UNC5D: variants seen among roughly 807,000 people sequenced by gnomAD.
UNC5D encodes the protein unc-5 netrin receptor D.
Under a neutral mutation model 105.4 loss-of-function variants are expected in UNC5D, and 39 were observed. That is an observed-to-expected ratio of 0.37 (90% CI 0.29 to 0.48). The LOEUF (loss-of-function observed/expected upper bound fraction) is 0.48, where lower values mean the gene tolerates loss of function less well. Ranked by LOEUF, UNC5D falls within the 20% of genes least tolerant of loss-of-function variation. The pLI is 0.98. For synonymous variants in UNC5D, 452 were observed against 450.4 expected (o/e 1.00, Z -0.04); for missense variants, 991 against 1,202.4 (o/e 0.82, Z 2.60).
chr8:35,380,265 C>T (rs1367254016), intron 1 of UNC5D, among the ~76,000 whole-genome samples: 3 of 151,196 alleles, frequency 2.0e-5, no homozygotes, highest in African/African-American at 7.3e-5. Context: ...CCTCTGGTCT[C>T]TTCACGTAAG....
intron 4 of UNC5D, among the ~76,000 whole-genome samples, chr8:35,596,831 G>A (rs1322192764): frequency 1.3e-5 from 2 of 152,160 alleles, no homozygotes; most frequent in South Asian, 4.1e-4. Context: ...GCAGAGGGGT[G>A]ACTTTGAATT....
intron 1 of UNC5D, among the ~76,000 whole-genome samples, chr8:35,397,743 T>C (rs1490040523): frequency 6.6e-6 from 1 of 152,212 alleles, no homozygotes; most frequent in Non-Finnish European, 1.5e-5. Context: ...GTAGTCTGGG[T>C]TGCTGCAATA....
Position 35,298,963 on chromosome 8 carries a change from T to G in UNC5D, c.103+63076T>G, listed in dbSNP as rs554444453. On this transcript the variant is annotated intron_variant, in intron 1 of 16. Transcript: ENST00000404895. Reference sequence around the variant, plus strand: ...TATTCATTTTTTGTTTATTTCAAAATTGGTACACCTGCAGTACTGGAGCTT... The same window carrying G: ...TATTCATTTTTTGTTTATTTCAAAAGTGGTACACCTGCAGTACTGGAGCTT... Among the ~76,000 whole-genome samples, 29 of 152,332 alleles carry G rather than the reference T, an allele frequency of 1.9e-4. No homozygotes were observed. The South Asian group carries it at 5.4e-3, about 28-fold the overall frequency.
chr8:35,518,481 T>C (rs1362952254), intron 1 of UNC5D, among the ~76,000 whole-genome samples: 2 of 152,176 alleles, frequency 1.3e-5, no homozygotes, highest in Non-Finnish European at 2.9e-5. Flanking sequence ...AATTTACATA[T>C]GTTGGTAAAT....
intron 13 of UNC5D, among the ~76,000 whole-genome samples, chr8:35,757,820 C>T (rs1376474574): frequency 6.6e-6 from 1 of 152,200 alleles, no homozygotes; most frequent in African/African-American, 2.4e-5. Flanking sequence ...TTCCTTGTAG[C>T]CTCCACCAGA....
At chr8:35,696,862 T>G (rs1826817607) in intron 7 of UNC5D, among the ~76,000 whole-genome samples, 1 of 152,140 alleles carries the variant, frequency 6.6e-6, no homozygotes. Flanking sequence ...TTACGTGTGT[T>G]TAGTACAGGA....
chr8:35,298,586 G>GTTTTTT (rs35299004), intron 1 of UNC5D, among the ~76,000 whole-genome samples: 2 of 110,564 alleles, frequency 1.8e-5, no homozygotes, highest in Non-Finnish European at 3.5e-5. Flanking sequence ...ATTGTTGTAG[G>GTTTTTT]TTTTTTTTTT....
intron 1 of UNC5D, among the ~76,000 whole-genome samples, chr8:35,476,939 T>G (rs1034075751): frequency 1.3e-5 from 2 of 152,200 alleles, no homozygotes; most frequent in Non-Finnish European, 2.9e-5. Context: ...CCAGCCTTCT[T>G]TGCTCCTAGA....
In UNC5D at chr8:35,248,871, AAAATATATAATATATTATAT is replaced by A. The variant is rs1284712396; in HGVS notation, c.103+13006_103+13025del. On this transcript the variant is annotated intron_variant, in intron 1 of 16. Coordinates refer to ENST00000404895, the MANE Select transcript of UNC5D (RefSeq NM_080872.4). Reference sequence around the variant, plus strand: ...TTATATATAATTCTATAATAATATAAAAATATATAATATATTATATAAATATATAATATATTATATATAAA... The same window carrying A: ...TTATATATAATTCTATAATAATATAAAAATATATAATATATTATATATAAA... Among the ~76,000 whole-genome samples the A allele has an allele frequency of 2.6e-3, 245 of 95,372 alleles. 2 individuals carry two copies. Among genetic ancestry groups the A allele is most frequent in the African/African-American group, 0.01 (243 of 23,208 alleles). 62.6% of individuals were successfully genotyped at this position (95,372 alleles called of 152,430 possible).
chr8:35,753,904 G>T (rs980339684), intron 13 of UNC5D, among the ~76,000 whole-genome samples: 1 of 152,180 alleles, frequency 6.6e-6, no homozygotes, highest in Admixed American at 6.5e-5. Flanking sequence ...CTTAGTTTCT[G>T]GGTTTTGTTT....
intron 3 of UNC5D, 119 bp downstream of exon 3, chr8:35,568,360 T>C: frequency 7.5e-7 from 1 of 1,336,442 alleles, no homozygotes; most frequent in South Asian, 1.6e-5. Flanking sequence ...GGTCTTAAAT[T>C]TACTCTTCTA....
intron 3 of UNC5D, among the ~76,000 whole-genome samples, chr8:35,588,304 A>G (rs1818929027): frequency 6.6e-6 from 1 of 152,108 alleles, no homozygotes; most frequent in South Asian, 2.1e-4. Context: ...TTTTGCAGAG[A>G]CTTGCAAGAA....
rs140663306 is a variant in UNC5D at position 35,271,422 on chromosome 8, CAT to C, written c.103+35538_103+35539del. On this transcript the variant is annotated intron_variant, in intron 1 of 16. Coordinates refer to ENST00000404895, the MANE Select transcript of UNC5D (RefSeq NM_080872.4). ...GTGTGTATGTATATGTATACACACA[CAT>C]ATGTGTGTGTATGTATATGTATACA... Among the ~76,000 whole-genome samples the C allele has an allele frequency of 2.8e-3, 384 of 136,204 alleles. 5 individuals carry two copies. Among genetic ancestry groups the C allele is most frequent in the African/African-American group, 9.7e-3 (366 of 37,780 alleles). 89.4% of individuals were successfully genotyped at this position (136,204 alleles called of 152,430 possible). A position where few individuals can be genotyped will look rare whatever the true frequency, so the allele number is the denominator to read the frequency against.
chr8:35,462,021 G>A (rs1808928795), intron 1 of UNC5D, among the ~76,000 whole-genome samples: 1 of 152,128 alleles, frequency 6.6e-6, no homozygotes, highest in African/African-American at 2.4e-5. Flanking sequence ...CATGGTATCT[G>A]TGAGCTTTTT....
chr8:35,266,665 A>G (rs976313135), intron 1 of UNC5D, among the ~76,000 whole-genome samples: 1 of 152,172 alleles, frequency 6.6e-6, no homozygotes, highest in African/African-American at 2.4e-5. Context: ...TCTCCGCTCC[A>G]TGAACTCTGG....
At chr8:35,488,513 G>A (rs552442408) in intron 1 of UNC5D, among the ~76,000 whole-genome samples, 1 of 152,288 alleles carries the variant, frequency 6.6e-6, no homozygotes, top group East Asian at 1.9e-4. Context: ...GCCTCTGAGG[G>A]CCTTGGGGAC....
intron 1 of UNC5D, among the ~76,000 whole-genome samples, chr8:35,450,050 T>C (rs1360594425): frequency 6.6e-6 from 1 of 152,200 alleles, no homozygotes; most frequent in Non-Finnish European, 1.5e-5. Flanking sequence ...TGCTTTGTAT[T>C]ATTCTGGAAC....
At chr8:35,330,348 T>G (rs184249192) in intron 1 of UNC5D, among the ~76,000 whole-genome samples, 1 of 152,356 alleles carries the variant, frequency 6.6e-6, no homozygotes, top group Admixed American at 6.5e-5. Context: ...TCTTGCTACC[T>G]TTTGTTCATA....
chr8:35,349,939 G>A (rs945080847), intron 1 of UNC5D, among the ~76,000 whole-genome samples: 5 of 152,018 alleles, frequency 3.3e-5, no homozygotes, highest in African/African-American at 7.2e-5. Flanking sequence ...AGTTTCCATT[G>A]TGCTAACAGC....
Sources: gnomAD v4.1 joint callset for allele counts (sites outside exome capture counted in the v4.1 genomes callset) on GRCh38, gnomAD v4.1.1 for gene constraint, MANE v1.5 for transcripts, NCBI Gene and HGNC (gene_info 2026-07-23, HGNC 2026-07-21) for gene names.